The following AGPAT5 variants were observed in gnomAD, a reference collection of about 807,000 sequenced individuals.
AGPAT5 encodes the protein 1-acylglycerol-3-phosphate O-acyltransferase 5.
Under a neutral mutation model 45.6 loss-of-function variants are expected in AGPAT5, and 46 were observed. That is an observed-to-expected ratio of 1.01 (90% CI 0.80 to 1.29). AGPAT5 has a LOEUF of 1.29. Among genes scored for constraint, AGPAT5 ranks in the 50% most tolerant of loss-of-function variants. The pLI, the probability that AGPAT5 is intolerant of heterozygous loss-of-function variation, is 0.00. For missense variants in AGPAT5, 673 were observed against 450.7 expected, an observed-to-expected ratio of 1.49 and a Z score of -4.47; for synonymous variants, 272 against 167.0, an observed-to-expected ratio of 1.63 and a Z score of -4.85.
intron 5 of AGPAT5, among the ~76,000 whole-genome samples, chr8:6,747,260 A>G (rs1382107321): frequency 6.6e-6 from 1 of 152,240 alleles, no homozygotes. Context: ...TGCTGAGCGA[A>G]AGAAGCCAGA....
In AGPAT5 at chr8:6,757,421, T is replaced by C. The variant is rs1396323887; in HGVS notation, c.*33T>C. 2.6e-6 allele frequency: 4 copies of C among 1,561,240 alleles called. No individual in the cohort carries two copies. The highest frequency in any genetic ancestry group is 2.2e-5 in the East Asian group (1 of 44,538). On this transcript the variant is annotated 3_prime_UTR_variant, in exon 8 of 8. Transcript: ENST00000285518. ...GCTGTCTCCAGACAGTGGGATGTGC[T>C]ACATTGTCTATTTTTGGCGGCTGCA... is the stretch of plus-strand genomic sequence containing the variant.
chr8:6,748,583 C>A (rs955523150), intron 6 of AGPAT5, among the ~76,000 whole-genome samples: 5 of 152,194 alleles, frequency 3.3e-5, no homozygotes, highest in African/African-American at 1.2e-4. Flanking sequence ...TGGCTCACTG[C>A]AACCTCCGCC....
In AGPAT5 at chr8:6,729,784, T is replaced by C. The variant is rs183933965; in HGVS notation, c.290-927T>C. 1.6e-4 allele frequency among the ~76,000 whole-genome samples: 24 copies of C among 152,380 alleles called. No homozygotes were observed. The South Asian group carries it at 2.9e-3, about 18-fold the overall frequency. On this transcript the variant is annotated intron_variant, in intron 2 of 7. Coordinates refer to ENST00000285518, the MANE Select transcript of AGPAT5 (RefSeq NM_018361.5). Reference sequence around the variant, plus strand: ...AGGAAGTTTTTTATTGCTACTGTTATCAATTCATACCATCTTACCCTTGTT... The same window carrying C: ...AGGAAGTTTTTTATTGCTACTGTTACCAATTCATACCATCTTACCCTTGTT...
intron 1 of AGPAT5, among the ~76,000 whole-genome samples, chr8:6,717,730 A>G (rs1314503839): frequency 2.0e-5 from 3 of 152,242 alleles, no homozygotes; most frequent in East Asian, 1.9e-4. Context: ...GCACTTACAT[A>G]TTGCATTGCT....
In AGPAT5 at chr8:6,760,276, T is replaced by G. The variant is rs1051672712; in HGVS notation, c.*2888T>G. Among the ~76,000 whole-genome samples the G allele has an allele frequency of 6.6e-6, 1 of 152,166 alleles. No individual in the cohort carries two copies. The highest frequency in any genetic ancestry group is 1.9e-4 in the East Asian group (1 of 5,180). ...GGCATGGTGGCGTACACTGAGTAGT[T>G]TGTCCCAGCTACTCGGGAGGGTGAG... On this transcript the variant is annotated 3_prime_UTR_variant, in exon 8 of 8. Coordinates refer to ENST00000285518, the MANE Select transcript of AGPAT5 (RefSeq NM_018361.5).
chr8:6,718,029 G>T (rs566071629), intron 1 of AGPAT5, among the ~76,000 whole-genome samples: 5 of 152,126 alleles, frequency 3.3e-5, no homozygotes, highest in African/African-American at 1.2e-4. Context: ...CAAGATTCTC[G>T]TCCTTAAATG....
At chr8:6,744,043 G>T (rs185137438) in intron 5 of AGPAT5, among the ~76,000 whole-genome samples, 10 of 152,050 alleles carry the variant, frequency 6.6e-5, no homozygotes, top group Admixed American at 6.5e-4. Context: ...TTATTTTTAT[G>T]TCTCAAACAT....
chr8:6,753,510 A>T (rs1587068900), intron 6 of AGPAT5, among the ~76,000 whole-genome samples: 1 of 152,212 alleles, frequency 6.6e-6, no homozygotes, highest in Non-Finnish European at 1.5e-5. Context: ...GCTAACACAT[A>T]GTGCATACTG....
At chr8:6,744,912 C>T (rs550452081) in intron 5 of AGPAT5, among the ~76,000 whole-genome samples, 26 of 152,294 alleles carry the variant, frequency 1.7e-4, no homozygotes, top group Admixed American at 7.8e-4. Flanking sequence ...TGGAGAACAT[C>T]GTAAGATCAA....
In AGPAT5 at chr8:6,732,509, C is replaced by G; in HGVS notation, c.406-52C>G. On this transcript the variant is annotated intron_variant, in intron 3 of 7. Transcript: ENST00000285518. Reference sequence around the variant, plus strand: ...GAAGTTGCCTTTTTGATGACTCTGGCCAATTGTTATTTTAAAAGTAAATGC... The same window carrying G: ...GAAGTTGCCTTTTTGATGACTCTGGGCAATTGTTATTTTAAAAGTAAATGC... 3 of 1,483,582 alleles carry G rather than the reference C, an allele frequency of 2.0e-6. No homozygotes were observed. In the South Asian group the frequency reaches 3.9e-5, roughly 19 times the overall value. The allele number at this position is 1,483,582 out of a possible 1,614,324, so 91.9% of individuals were successfully genotyped here. A position where few individuals can be genotyped will look rare whatever the true frequency, so the allele number is the denominator to read the frequency against.
At chr8:6,716,999 C>A (rs28685103) in intron 1 of AGPAT5, among the ~76,000 whole-genome samples, 7 of 152,220 alleles carry the variant, frequency 4.6e-5, no homozygotes, top group African/African-American at 7.2e-5. Flanking sequence ...GTACCCAAGT[C>A]TAGTGAGTCC....
At chr8:6,723,873 G>A (rs1055530226) in intron 1 of AGPAT5, among the ~76,000 whole-genome samples, 1 of 152,140 alleles carries the variant, frequency 6.6e-6, no homozygotes, top group Admixed American at 6.5e-5. Flanking sequence ...AATAAATAGT[G>A]TCATGACCAA....
At chr8:6,728,319 T>C (rs757668882) in intron 2 of AGPAT5, among the ~76,000 whole-genome samples, 1 of 152,254 alleles carries the variant, frequency 6.6e-6, no homozygotes, top group Non-Finnish European at 1.5e-5. Context: ...GTAACTGAGA[T>C]AGTCAGAAAC....
chr8:6,728,787 T>C (rs1272589717), intron 2 of AGPAT5, among the ~76,000 whole-genome samples: 1 of 152,228 alleles, frequency 6.6e-6, no homozygotes, highest in Non-Finnish European at 1.5e-5. Context: ...TTGGTACAGG[T>C]ATAACAGGGT....
At chr8:6,729,631 C>G (rs1051475015) in intron 2 of AGPAT5, among the ~76,000 whole-genome samples, 2 of 152,100 alleles carry the variant, frequency 1.3e-5, no homozygotes, top group Non-Finnish European at 2.9e-5. Flanking sequence ...ACTTCATTTC[C>G]TCTTTAAACC....
chr8:6,729,706 C>G (rs1166859525), intron 2 of AGPAT5, among the ~76,000 whole-genome samples: 1 of 152,186 alleles, frequency 6.6e-6, no homozygotes, highest in Non-Finnish European at 1.5e-5. Flanking sequence ...TTGGCAAGGG[C>G]CACTCTCTGT....
chr8:6,739,308 C>A (rs994656857), intron 4 of AGPAT5, among the ~76,000 whole-genome samples: 3 of 152,058 alleles, frequency 2.0e-5, no homozygotes, highest in African/African-American at 7.2e-5. Context: ...ATAGAATTAG[C>A]TCGACAATTT....
chr8:6,709,523 G>C (rs1420240233), intron 1 of AGPAT5: 1 of 150,956 alleles, frequency 6.6e-6, no homozygotes, highest in South Asian at 2.1e-4. Flanking sequence ...AACCATAAAA[G>C]TGGAAGGCCC....
intron 1 of AGPAT5, among the ~76,000 whole-genome samples, chr8:6,713,438 T>TA (rs1183828819): frequency 3.9e-5 from 6 of 152,224 alleles, no homozygotes; most frequent in African/African-American, 1.4e-4. Flanking sequence ...TTATATAAAA[T>TA]AAACAGGTTT....
Sources: allele counts gnomAD v4.1 joint callset (sites outside exome capture counted in the v4.1 genomes callset), GRCh38; gene constraint gnomAD v4.1.1; transcripts MANE v1.5; gene names NCBI Gene and HGNC (gene_info 2026-07-23, HGNC 2026-07-21).